Variants in CFAP61 observed in about 807,000 individuals in gnomAD.
CFAP61 encodes cilia and flagella associated protein 61.
In CFAP61, 107 loss-of-function variants were observed where a neutral mutation model predicts 135.6. The observed-to-expected ratio is 0.79, with a 90% CI of 0.67 to 0.93. CFAP61 has a LOEUF of 0.93. CFAP61 is among the 40% of genes least tolerant of loss of function. The probability of loss-of-function intolerance (pLI) is 0.00; values close to 1 mark genes in which losing one functional copy is unlikely to be tolerated. For missense variants in CFAP61, 1,507 were observed against 1,556.2 expected, an observed-to-expected ratio of 0.97 and a Z score of 0.53; for synonymous variants, 575 against 578.5, an observed-to-expected ratio of 0.99 and a Z score of 0.09.
At chr20:20,282,195 T>C (rs2054246971) in intron 22 of CFAP61, among the ~76,000 whole-genome samples, 1 of 152,178 alleles carries the variant, frequency 6.6e-6, no homozygotes, top group Non-Finnish European at 1.5e-5. Context: ...ACTCTCTCTC[T>C]TTCTCTCTCT....
At chr20:20,221,390 A>G (rs372952361) in intron 17 of CFAP61, among the ~76,000 whole-genome samples, 2 of 152,328 alleles carry the variant, frequency 1.3e-5, no homozygotes, top group African/African-American at 4.8e-5. Flanking sequence ...TTTGGGGGCT[A>G]TTATTTAATT....
In CFAP61 at chr20:20,341,913, T is replaced by A; in HGVS notation, c.3505T>A (p.Ser1169Thr). 1.9e-6 allele frequency: 3 copies of A among 1,608,974 alleles called. No individual in the cohort carries two copies. Among genetic ancestry groups the A allele is most frequent in the Non-Finnish European group, 2.6e-6 (3 of 1,175,956 alleles). Reference sequence around the variant, plus strand: ...GAAAGAGTTACGCCAAATCTTAGCCTCCAAGGAGGTAAGAGTGATTAATGG... The same window carrying A: ...GAAAGAGTTACGCCAAATCTTAGCCACCAAGGAGGTAAGAGTGATTAATGG... ...LRKELRQILASKEEEDLPSIE... is the reference protein window; with the variant it reads ...LRKELRQILATKEEEDLPSIE... Residue 1169 changes from serine (S) to threonine (T), a missense_variant, in exon 26 of 27, where the codon TCC (serine) becomes ACC (threonine). Transcript: ENST00000245957.
chr20:20,309,577 T>C (rs2056695108), intron 25 of CFAP61, among the ~76,000 whole-genome samples: 1 of 152,216 alleles, frequency 6.6e-6, no homozygotes, highest in Non-Finnish European at 1.5e-5. Flanking sequence ...GAACCAGAGT[T>C]TCCTGACTTT....
intron 21 of CFAP61, among the ~76,000 whole-genome samples, chr20:20,274,246 T>C (rs1362716698): frequency 3.3e-5 from 5 of 152,158 alleles, no homozygotes; most frequent in East Asian, 3.8e-4. Flanking sequence ...AGTACAGAGA[T>C]AAACATGAAC....
intron 2 of CFAP61, 31 bp from the exon 3 acceptor site, chr20:20,070,823 T>C (rs369677182): frequency 3.8e-6 from 6 of 1,598,258 alleles, no homozygotes; most frequent in East Asian, 2.2e-5. Flanking sequence ...TGTAATCTTA[T>C]TCATGTTTGC....
At chr20:20,189,217 T>C (rs1014051639) in intron 14 of CFAP61, among the ~76,000 whole-genome samples, 29 of 152,146 alleles carry the variant, frequency 1.9e-4, no homozygotes, top group Admixed American at 9.2e-4. Flanking sequence ...TATAAAGGCA[T>C]CAGAGTAAAT....
chr20:20,320,065 T>C (rs912608849), intron 25 of CFAP61, among the ~76,000 whole-genome samples: 4 of 151,152 alleles, frequency 2.6e-5, no homozygotes, highest in African/African-American at 9.8e-5. Flanking sequence ...AAATACAGAG[T>C]GGGAAACTAT....
chr20:20,338,398 G>A (rs1383083941), intron 25 of CFAP61, among the ~76,000 whole-genome samples: 1 of 152,196 alleles, frequency 6.6e-6, no homozygotes, highest in Non-Finnish European at 1.5e-5. Flanking sequence ...CCTGTGAACA[G>A]CTCTAAAAGT....
chr20:20,343,800 A>G (rs554812657), intron 26 of CFAP61, among the ~76,000 whole-genome samples: 1 of 152,324 alleles, frequency 6.6e-6, no homozygotes, highest in African/African-American at 2.4e-5. Context: ...TTTTAGTCTT[A>G]AAGCTTAAAA....
chr20:20,254,889 T>C (rs559322108), intron 20 of CFAP61, among the ~76,000 whole-genome samples: 1 of 152,354 alleles, frequency 6.6e-6, no homozygotes, highest in South Asian at 2.1e-4. Context: ...ACAAAATCCA[T>C]GCACAAGGTA....
At chr20:20,358,494 A>T (rs1017812014) in intron 26 of CFAP61, among the ~76,000 whole-genome samples, 5 of 152,184 alleles carry the variant, frequency 3.3e-5, no homozygotes, top group Non-Finnish European at 7.4e-5. Context: ...GGTTGGTTTG[A>T]TACAATTCTC....
At chr20:20,168,564 A>T (rs1342305459) in intron 12 of CFAP61, among the ~76,000 whole-genome samples, 1 of 152,234 alleles carries the variant, frequency 6.6e-6, no homozygotes, top group Non-Finnish European at 1.5e-5. Context: ...AGATTCACAT[A>T]ATCCAAGCAC....
At chr20:20,349,777 T>C (rs2058764775) in intron 26 of CFAP61, among the ~76,000 whole-genome samples, 1 of 152,196 alleles carries the variant, frequency 6.6e-6, no homozygotes, top group South Asian at 2.1e-4. Context: ...ACATCTGTGT[T>C]CATGCATTTG....
chr20:20,260,549 G>C lies in CFAP61; in HGVS notation c.2329-2407G>C, dbSNP rs917505750. Among the ~76,000 whole-genome samples the C allele has an allele frequency of 3.3e-5, 5 of 152,112 alleles. 1 individual carries two copies. The highest frequency in any genetic ancestry group is 7.2e-5 in the African/African-American group (3 of 41,410). On this transcript the variant is annotated intron_variant, in intron 20 of 26. Transcript: ENST00000245957. ...TCTTTAATTGCTCTTATTCTTTATAGTAGAGAAGTATGCAAAACAACTCTA... is the reference window on the plus strand; with the variant it reads ...TCTTTAATTGCTCTTATTCTTTATACTAGAGAAGTATGCAAAACAACTCTA...
rs142690337 is a variant in CFAP61, at chr20:20,080,950, C to T, written c.566+5335C>T. Among the ~76,000 whole-genome samples the T allele has an allele frequency of 9.4e-3, 1,424 of 151,590 alleles. 22 individuals are homozygous for T. The highest frequency in any genetic ancestry group is 0.033 in the African/African-American group (1,351 of 41,318). On this transcript the variant is annotated intron_variant, in intron 6 of 26. Transcript: ENST00000245957. ...CTGGGAGGCGGAGGTTGCAGTGATCCGAGATTGTGCCATTGTACTCCAGCC... is the reference window on the plus strand; with the variant it reads ...CTGGGAGGCGGAGGTTGCAGTGATCTGAGATTGTGCCATTGTACTCCAGCC...
chr20:20,076,947 T>A (rs2046094123), intron 6 of CFAP61, among the ~76,000 whole-genome samples: 1 of 152,152 alleles, frequency 6.6e-6, no homozygotes, highest in Non-Finnish European at 1.5e-5. Flanking sequence ...GTGATGATTG[T>A]GAGCTAATGA....
At chr20:20,356,592 G>GA (rs1392445290) in intron 26 of CFAP61, among the ~76,000 whole-genome samples, 16 of 37,018 alleles carry the variant, frequency 4.3e-4, no homozygotes, top group East Asian at 3.4e-3. Flanking sequence ...TGGTCACACT[G>GA]GGGAGGTGGT....
intron 18 of CFAP61, among the ~76,000 whole-genome samples, chr20:20,230,467 A>G (rs945050402): frequency 1.3e-5 from 2 of 152,224 alleles, no homozygotes; most frequent in African/African-American, 2.4e-5. Flanking sequence ...TACAGTTTTC[A>G]CCCAACACTG....
chr20:20,158,820 A>G (rs62200314), intron 9 of CFAP61, among the ~76,000 whole-genome samples: 136,927 of 151,932 alleles, frequency 0.9, 62,519 homozygotes, highest in Middle Eastern at 0.99. Flanking sequence ...TCTTGATCAC[A>G]GTGATATTTT....
Sources: allele counts gnomAD v4.1 joint callset (sites outside exome capture counted in the v4.1 genomes callset), GRCh38; gene constraint gnomAD v4.1.1; transcripts MANE v1.5; gene names NCBI Gene and HGNC (gene_info 2026-07-23, HGNC 2026-07-21).